The following BPIFA2 variants were observed in gnomAD, a reference collection of about 807,000 sequenced individuals.
The protein encoded by BPIFA2 is BPI fold containing family A member 2.
Under a neutral mutation model 25.7 loss-of-function variants are expected in BPIFA2, and 20 were observed. The ratio of observed to expected loss-of-function variants is 0.78; its 90% CI spans 0.55 to 1.13. The LOEUF (loss-of-function observed/expected upper bound fraction) is 1.13. Among genes scored for constraint, BPIFA2 ranks in the 50% most tolerant of loss-of-function variants. The probability of loss-of-function intolerance (pLI) is 0.00; values close to 1 mark genes in which losing one functional copy is unlikely to be tolerated. For synonymous variants in BPIFA2, 126 were observed against 124.3 expected (o/e 1.01, Z -0.09); for missense variants, 300 against 298.1 (o/e 1.01, Z -0.05).
At position 33,178,394 on chromosome 20, in the gene BPIFA2, A is replaced by T. The variant is rs567702815; in HGVS notation, c.645+166A>T. ...TCTACTAATCAGCCTGGTGGGTAGC[A>T]GGGTAGAGCAGAGGCCTGACATTAG... On this transcript the variant is annotated intron_variant, in intron 6 of 8. Coordinates refer to ENST00000354932, the MANE Select transcript of BPIFA2 (RefSeq NM_080574.4). Among the ~76,000 whole-genome samples, 163 of 152,278 alleles carry T rather than the reference A, an allele frequency of 1.1e-3. 1 individual carries two copies. The highest frequency in any genetic ancestry group is 1.5e-3 in the South Asian group (7 of 4,820).
intron 5 of BPIFA2, among the ~76,000 whole-genome samples, chr20:33,177,095 C>T (rs954353394): frequency 6.6e-6 from 1 of 152,162 alleles, no homozygotes; most frequent in Non-Finnish European, 1.5e-5. Context: ...GGCTCCACAC[C>T]GGTAATCCCA....
intron 3 of BPIFA2, 46 bp downstream of exon 3, chr20:33,173,122 A>C: frequency 6.3e-7 from 1 of 1,589,258 alleles, no homozygotes; most frequent in South Asian, 1.1e-5. Context: ...AAGGAAAGGG[A>C]AAACATATCT....
In BPIFA2 at chr20:33,175,488, A is replaced by C. The variant is rs1176624352; in HGVS notation, c.492A>C (p.Thr164=). 3.1e-6 allele frequency: 5 copies of C among 1,614,094 alleles called. No homozygotes were observed. In the South Asian group the frequency reaches 5.5e-5, roughly 18 times the overall value. ...TAVTIETDPQ[T]HQPVAVLGEC... ...TCACAATTGAAACTGATCCCCAGAC[A>C]CACCAGCCTGTTGCCGTCCTGGGAG... Residue 164 remains threonine (T), a synonymous_variant, in exon 5 of 9, where the codon ACA becomes ACC. Coordinates refer to ENST00000354932, the MANE Select transcript of BPIFA2 (RefSeq NM_080574.4).
intron 5 of BPIFA2, 120 bp from the exon 6 acceptor site, chr20:33,178,027 C>A (rs1984141190): frequency 3.3e-5 from 21 of 643,778 alleles, no homozygotes; most frequent in Non-Finnish European, 5.4e-5. Context: ...GTTAAAGTGT[C>A]TCCATGTCCC....
At chr20:33,172,787 A>T (rs1983942632) in intron 2 of BPIFA2, 145 bp from the exon 3 acceptor site, 2 of 894,292 alleles carry the variant, frequency 2.2e-6, no homozygotes, top group Non-Finnish European at 3.3e-6. Context: ...AGCTATAAAA[A>T]AGCAGACAGT....
At chr20:33,164,627 C>T (rs376396393), upstream of BPIFA2, among the ~76,000 whole-genome samples, 2 of 151,698 alleles carry the variant, frequency 1.3e-5, no homozygotes, top group East Asian at 3.9e-4. Flanking sequence ...CCCTCCTTCC[C>T]TCTCTTTCCT....
At chr20:33,171,848 G>A (rs1600598755) in intron 2 of BPIFA2, among the ~76,000 whole-genome samples, 1 of 152,152 alleles carries the variant, frequency 6.6e-6, no homozygotes, top group Non-Finnish European at 1.5e-5. Context: ...CAAGGATCTA[G>A]AACCAGAAAT....
chr20:33,178,348 A>AGGT (rs1465264287), intron 6 of BPIFA2, 120 bp downstream of exon 6: 1 of 718,292 alleles, frequency 1.4e-6, no homozygotes, highest in African/African-American at 1.8e-5. Flanking sequence ...TCTCCTTAGG[A>AGGT]GGTCAGCTGG....
At chr20:33,164,871 A>C (rs1983680816), upstream of BPIFA2, among the ~76,000 whole-genome samples, 1 of 152,240 alleles carries the variant, frequency 6.6e-6, no homozygotes, top group Non-Finnish European at 1.5e-5. Context: ...TGTTGGATGA[A>C]GCATTCAGGG....
At chr20:33,177,177 A>G (rs1365576761) in intron 5 of BPIFA2, among the ~76,000 whole-genome samples, 1 of 152,134 alleles carries the variant, frequency 6.6e-6, no homozygotes, top group African/African-American at 2.4e-5. Context: ...CAACATGGCA[A>G]AATCCTGTCT....
intron 5 of BPIFA2, among the ~76,000 whole-genome samples, chr20:33,177,571 C>A (rs1051311749): frequency 3.3e-5 from 5 of 152,180 alleles, no homozygotes; most frequent in Non-Finnish European, 7.3e-5. Flanking sequence ...CACTTTGGAT[C>A]CAATCCAACC....
In BPIFA2 at chr20:33,169,269, G is replaced by C. The variant is rs142611278; in HGVS notation, c.124G>C (p.Glu42Gln). ...GGATAAGCTGGAACCTGTTCTTCAC[G>C]AGGGACTTGAGACAGTTGACAATAC... Reference protein sequence around the residue: ...VVDKLEPVLHEGLETVDNTLK... With the variant: ...VVDKLEPVLHQGLETVDNTLK... The change falls in exon 2 of 9, where the codon GAG becomes CAG. Residue 42 changes from glutamate to glutamine, a missense_variant. Transcript: ENST00000354932. 1.9e-6 allele frequency: 3 copies of C among 1,614,000 alleles called. No individual in the cohort carries two copies. The highest frequency in any genetic ancestry group is 2.7e-5 in the African/African-American group (2 of 74,912).
In BPIFA2 at chr20:33,169,173, CT is replaced by C; in HGVS notation, c.29del (p.Leu10ArgfsTer20). On this transcript the variant is annotated frameshift_variant, in exon 2 of 9. Coordinates refer to ENST00000354932, the MANE Select transcript of BPIFA2 (RefSeq NM_080574.4). LOFTEE classifies it high-confidence loss of function. The part of the protein sequence containing the change: MLQLWKLVL[L>X]CGVLTGTSES... ...GCTTCAGCTTTGGAAACTTGTTCTC[CT>C]GTGCGGCGTGCTCACTGGGACCTCA... is the stretch of plus-strand genomic sequence containing the variant. 6.2e-7 allele frequency: 1 copy of C among 1,614,174 alleles called. No homozygotes were observed. The highest frequency in any genetic ancestry group is 1.3e-5 in the African/African-American group (1 of 75,060).
intron 5 of BPIFA2, among the ~76,000 whole-genome samples, chr20:33,176,982 C>T (rs1045285659): frequency 4.6e-5 from 7 of 152,188 alleles, no homozygotes; most frequent in African/African-American, 1.4e-4. Flanking sequence ...AAGAGTCTAA[C>T]TCTTGCCTTT....
At chr20:33,166,002 T>G (rs1238621501), upstream of BPIFA2, among the ~76,000 whole-genome samples, 4 of 151,978 alleles carry the variant, frequency 2.6e-5, no homozygotes, top group Non-Finnish European at 5.9e-5. Flanking sequence ...TGACAGATGC[T>G]CCTCATTTTA....
intron 1 of BPIFA2, among the ~76,000 whole-genome samples, chr20:33,168,678 G>A (rs1983798197): frequency 6.6e-6 from 1 of 152,148 alleles, no homozygotes; most frequent in South Asian, 2.1e-4. Flanking sequence ...TCACAGCCTG[G>A]TAGGAAAGGT....
At chr20:33,176,946 C>CCA (rs1038480883) in intron 5 of BPIFA2, among the ~76,000 whole-genome samples, 22 of 152,158 alleles carry the variant, frequency 1.4e-4, no homozygotes, top group African/African-American at 5.3e-4. Flanking sequence ...CAGGGCCTTC[C>CCA]CAGGGCTCCT....
intron 5 of BPIFA2, among the ~76,000 whole-genome samples, chr20:33,176,987 G>A (rs73904619): frequency 0.013 from 1,948 of 152,200 alleles, 45 homozygotes; most frequent in African/African-American, 0.044. Flanking sequence ...TCTAACTCTT[G>A]CCTTTAAAGC....
chr20:33,175,655 T>C, intron 5 of BPIFA2, 96 bp downstream of exon 5: 1 of 1,353,404 alleles, frequency 7.4e-7, no homozygotes, highest in Non-Finnish European at 1.0e-6. Context: ...GGCCTAGTGG[T>C]GAAAGTGTTC....
Sources: allele counts gnomAD v4.1 joint callset (sites outside exome capture counted in the v4.1 genomes callset), GRCh38; gene constraint gnomAD v4.1.1; transcripts MANE v1.5; gene names NCBI Gene and HGNC (gene_info 2026-07-23, HGNC 2026-07-21).